The following LAMA2 variants were observed in gnomAD, a reference collection of about 807,000 sequenced individuals.
LAMA2 encodes the protein laminin subunit alpha 2, also known as laminin subunit alpha-2.
LAMA2 carries 269 observed loss-of-function variants against 364.8 expected under a neutral mutation model. That is an observed-to-expected ratio of 0.74 (90% CI 0.67 to 0.82). The LOEUF (loss-of-function observed/expected upper bound fraction) is 0.82. Ranked by LOEUF, LAMA2 falls within the 40% of genes least tolerant of loss-of-function variation. LAMA2 has a pLI of 0.00. For missense variants in LAMA2, 3,807 were observed against 3,873.2 expected (o/e 0.98, Z 0.45); for synonymous variants, 1,379 against 1,370.6 (o/e 1.01, Z -0.14).
intron 12 of LAMA2, among the ~76,000 whole-genome samples, chr6:129,246,907 A>G (rs2114263333): frequency 6.6e-6 from 1 of 152,256 alleles, no homozygotes; most frequent in East Asian, 1.9e-4. Flanking sequence ...TTTTTCCCTG[A>G]ATAATAGCAT....
intron 32 of LAMA2, among the ~76,000 whole-genome samples, chr6:129,361,174 G>A (rs1201060077): frequency 6.6e-6 from 1 of 152,166 alleles, no homozygotes; most frequent in Non-Finnish European, 1.5e-5. Context: ...TGCATCCTAG[G>A]AACATCTGCC....
chr6:128,974,697 G>T (rs916410814), intron 1 of LAMA2, among the ~76,000 whole-genome samples: 1 of 152,148 alleles, frequency 6.6e-6, no homozygotes, highest in Admixed American at 6.5e-5. Context: ...AAATGAGCCT[G>T]TGGGTTCACT....
At chr6:129,004,514 G>T (rs1274288614) in intron 1 of LAMA2, among the ~76,000 whole-genome samples, 1 of 151,208 alleles carries the variant, frequency 6.6e-6, no homozygotes, top group Non-Finnish European at 1.5e-5. Context: ...GTACTTCTGG[G>T]AAATTTAGCC....
chr6:128,986,361 A>G (rs563882884), intron 1 of LAMA2, among the ~76,000 whole-genome samples: 4 of 152,288 alleles, frequency 2.6e-5, no homozygotes, highest in East Asian at 1.9e-4. Flanking sequence ...TTTCAAGACC[A>G]CAGGTCGGTA....
intron 15 of LAMA2, among the ~76,000 whole-genome samples, chr6:129,265,418 A>G (rs1277544306): frequency 6.6e-6 from 1 of 152,184 alleles, no homozygotes; most frequent in Non-Finnish European, 1.5e-5. Context: ...AACTTCATGA[A>G]TATCTGTCTG....
intron 3 of LAMA2, among the ~76,000 whole-genome samples, chr6:129,066,206 C>T (rs961868856): frequency 6.0e-5 from 9 of 149,090 alleles, no homozygotes; most frequent in East Asian, 3.9e-4. Flanking sequence ...CCACTACGCC[C>T]GGCTAATTTT....
At chr6:129,270,561 T>G in intron 16 of LAMA2, 63 bp from the exon 17 acceptor site, 1 of 1,584,624 alleles carries the variant, frequency 6.3e-7, no homozygotes, top group Non-Finnish European at 8.7e-7. Flanking sequence ...GTAGACCTAT[T>G]TTTGGCAACA....
rs185743535 is a variant in LAMA2 at position 129,500,080 on chromosome 6, G to A, written c.8245-2579G>A. Among the ~76,000 whole-genome samples, 173 of 152,024 alleles carry A rather than the reference G, an allele frequency of 1.1e-3. 1 individual carries two copies. The highest frequency in any genetic ancestry group is 1.7e-3 in the Non-Finnish European group (114 of 67,976). On this transcript the variant is annotated intron_variant, in intron 58 of 64. Transcript: ENST00000421865. ...CTTACACCCATCAGACTTGGTTTCA[G>A]TTTACCCAAGGAAAAGTGATGCAAG...
intron 1 of LAMA2, among the ~76,000 whole-genome samples, chr6:129,011,556 C>T (rs1028934081): frequency 6.6e-6 from 1 of 152,152 alleles, no homozygotes; most frequent in Admixed American, 6.5e-5. Flanking sequence ...TTTACTCTTA[C>T]TCTGTGCCCA....
intron 10 of LAMA2, among the ~76,000 whole-genome samples, chr6:129,188,147 G>A (rs1380749010): frequency 6.6e-6 from 1 of 151,758 alleles, no homozygotes; most frequent in African/African-American, 2.4e-5. Context: ...AGTTGATTGT[G>A]AGTATATCTT....
intron 4 of LAMA2, among the ~76,000 whole-genome samples, chr6:129,143,241 T>C (rs1778233720): frequency 6.6e-6 from 1 of 152,120 alleles, no homozygotes; most frequent in Non-Finnish European, 1.5e-5. Flanking sequence ...CCATTCAGGT[T>C]TAACATATTT....
At chr6:129,327,564 C>A (rs1209625933) in intron 28 of LAMA2, among the ~76,000 whole-genome samples, 1 of 152,236 alleles carries the variant, frequency 6.6e-6, no homozygotes, top group East Asian at 1.9e-4. Context: ...CGGTTTTCAT[C>A]TTCGTGCCAG....
At chr6:129,510,234 A>T (rs949906304) in intron 62 of LAMA2, among the ~76,000 whole-genome samples, 4 of 152,162 alleles carry the variant, frequency 2.6e-5, no homozygotes. Context: ...CCACCAAAAA[A>T]CCATTAGAAC....
intron 3 of LAMA2, among the ~76,000 whole-genome samples, chr6:129,070,589 A>G (rs4897297): frequency 0.48 from 72,779 of 152,024 alleles, 20,636 homozygotes; most frequent in East Asian, 0.8. Context: ...AGATTACTTA[A>G]ATTTTTAACC....
chr6:128,997,595 G>C (rs1350061149), intron 1 of LAMA2, among the ~76,000 whole-genome samples: 1 of 152,026 alleles, frequency 6.6e-6, no homozygotes, highest in East Asian at 1.9e-4. Context: ...AGGGGTTCCA[G>C]ACCAGCCTGG....
At chr6:129,469,168 T>C (rs1179141266) in intron 51 of LAMA2, among the ~76,000 whole-genome samples, 1 of 151,968 alleles carries the variant, frequency 6.6e-6, no homozygotes, top group Non-Finnish European at 1.5e-5. Context: ...TTGAGGAGTT[T>C]GCATTTCATC....
chr6:128,913,192 G>A (rs1308609631), intron 1 of LAMA2, among the ~76,000 whole-genome samples: 1 of 152,174 alleles, frequency 6.6e-6, no homozygotes, highest in Admixed American at 6.5e-5. Context: ...TGGCATTGAT[G>A]AGTCTAGATG....
rs548858673 is a variant in LAMA2, at chr6:129,340,045, G to A, written c.4312-2298G>A. Among the ~76,000 whole-genome samples the A allele has an allele frequency of 3.3e-5, 5 of 151,822 alleles. No homozygotes were observed. The South Asian group carries it at 1.0e-3, about 32-fold the overall frequency. On this transcript the variant is annotated intron_variant, in intron 29 of 64. Coordinates refer to ENST00000421865, the MANE Select transcript of LAMA2 (RefSeq NM_000426.4). The stretch of plus-strand genomic sequence containing the variant: ...AAGAAAAAGAAAGAAAGAAACCATG[G>A]GAAGAGAGTATCCAGAAATATCTAT...
chr6:129,015,024 A>G (rs1350762391), intron 1 of LAMA2, among the ~76,000 whole-genome samples: 1 of 152,152 alleles, frequency 6.6e-6, no homozygotes, highest in Non-Finnish European at 1.5e-5. Flanking sequence ...AATATATTCC[A>G]AAGTAACTAA....
Sources: allele counts gnomAD v4.1 joint callset (sites outside exome capture counted in the v4.1 genomes callset), GRCh38; gene constraint gnomAD v4.1.1; transcripts MANE v1.5; gene names NCBI Gene and HGNC (gene_info 2026-07-23, HGNC 2026-07-21).